Variants in MYO1B observed in about 807,000 individuals in gnomAD.
MYO1B encodes unconventional myosin-Ib.
In MYO1B, 72 loss-of-function variants were observed where a neutral mutation model predicts 159.7. The ratio of observed to expected loss-of-function variants is 0.45; its 90% CI spans 0.37 to 0.55. The LOEUF (loss-of-function observed/expected upper bound fraction) is 0.55, where lower values mean the gene tolerates loss of function less well. Ranked by LOEUF, MYO1B falls within the 20% of genes least tolerant of loss-of-function variation. The probability of loss-of-function intolerance (pLI) is 0.00; values close to 1 mark genes in which losing one functional copy is unlikely to be tolerated. For synonymous variants in MYO1B, 468 were observed against 473.8 expected, an observed-to-expected ratio of 0.99 and a Z score of 0.16; for missense variants, 1,062 against 1,364.8, an observed-to-expected ratio of 0.78 and a Z score of 3.50.
chr2:191,285,839 C>T (rs983390336), intron 2 of MYO1B, among the ~76,000 whole-genome samples: 3 of 152,112 alleles, frequency 2.0e-5, no homozygotes, highest in Non-Finnish European at 2.9e-5. Flanking sequence ...GTTCATGAGC[C>T]GTCCTGGACC....
chr2:191,417,841 T>A (rs1182714972), intron 30 of MYO1B, among the ~76,000 whole-genome samples: 1 of 152,142 alleles, frequency 6.6e-6, no homozygotes, highest in African/African-American at 2.4e-5. Flanking sequence ...GTGGCGTGAA[T>A]CCTAAACATA....
At chr2:191,360,837 G>A in intron 8 of MYO1B, 108 bp downstream of exon 8, 1 of 719,548 alleles carries the variant, frequency 1.4e-6, no homozygotes. Flanking sequence ...TAATTCCTGA[G>A]CTCAAGCGAT....
rs139147759 is a variant in MYO1B, at chr2:191,389,738, T to A, written c.1782-554T>A. Among the ~76,000 whole-genome samples, 900 of 152,360 alleles carry A rather than the reference T, an allele frequency of 5.9e-3. 9 individuals are homozygous for A. The highest frequency in any genetic ancestry group is 0.01 in the Middle Eastern group (3 of 294). ...GATATAGGGAGGAAACAGTGTTTTT[T>A]ATCTTTTTATTGAGGTATAATACAC... is the stretch of plus-strand genomic sequence containing the variant. On this transcript the variant is annotated intron_variant, in intron 17 of 30. Transcript: ENST00000392318.
chr2:191,352,010 G>T (rs1692956608), intron 7 of MYO1B, among the ~76,000 whole-genome samples: 1 of 152,190 alleles, frequency 6.6e-6, no homozygotes, highest in Non-Finnish European at 1.5e-5. Flanking sequence ...GCCTTGAAGA[G>T]AAAGTTTTAA....
chr2:191,368,672 T>G (rs2126032838), intron 11 of MYO1B, among the ~76,000 whole-genome samples: 1 of 152,306 alleles, frequency 6.6e-6, no homozygotes, highest in South Asian at 2.1e-4. Flanking sequence ...TTTTTTTAAA[T>G]ACTCAAGTGA....
rs1025825705 is a variant in MYO1B at position 191,405,951 on chromosome 2, C to T, written c.2557-2164C>T. On this transcript the variant is annotated intron_variant, in intron 24 of 30. Coordinates refer to ENST00000392318, the MANE Select transcript of MYO1B (RefSeq NM_001130158.3). The stretch of plus-strand genomic sequence containing the variant: ...CTTTGAAGCCAGACATTAGCTTTTC[C>T]TCTCTAGCTATGAAAGTCTAGATGG... 5.3e-5 allele frequency among the ~76,000 whole-genome samples: 8 copies of T among 152,340 alleles called. No homozygotes were observed. In the South Asian group the frequency reaches 1.7e-3, roughly 32 times the overall value.
At chr2:191,285,678 T>C (rs1688322410) in intron 2 of MYO1B, among the ~76,000 whole-genome samples, 1 of 152,106 alleles carries the variant, frequency 6.6e-6, no homozygotes, top group Non-Finnish European at 1.5e-5. Flanking sequence ...AATAAGAGGC[T>C]TTGAAGTGGA....
chr2:191,383,996 G>A (rs1308184177), intron 15 of MYO1B, among the ~76,000 whole-genome samples: 1 of 152,200 alleles, frequency 6.6e-6, no homozygotes, highest in Non-Finnish European at 1.5e-5. Context: ...GATCATACAT[G>A]CAGAGGGCAT....
chr2:191,342,154 T>A (rs1286728534), intron 5 of MYO1B, among the ~76,000 whole-genome samples: 1 of 152,226 alleles, frequency 6.6e-6, no homozygotes, highest in African/African-American at 2.4e-5. Flanking sequence ...GTAGATTTTA[T>A]TCTGAGGCCT....
intron 3 of MYO1B, among the ~76,000 whole-genome samples, chr2:191,315,711 C>T (rs756779962): frequency 1.1e-4 from 16 of 152,224 alleles, no homozygotes; most frequent in Non-Finnish European, 2.9e-5. Flanking sequence ...ATGACAACAC[C>T]TCCCAAAACT....
At chr2:191,260,265 T>TTTTTTTTTTTG (rs1686728870) in intron 1 of MYO1B, among the ~76,000 whole-genome samples, 2 of 145,150 alleles carry the variant, frequency 1.4e-5, no homozygotes, top group African/African-American at 2.4e-5. Flanking sequence ...TTTTTTTTTT[T>TTTTTTTTTTTG]TTGAATTAAA....
intron 13 of MYO1B, among the ~76,000 whole-genome samples, chr2:191,374,115 C>T (rs1405503043): frequency 6.6e-6 from 1 of 152,046 alleles, no homozygotes; most frequent in African/African-American, 2.4e-5. Flanking sequence ...CCTATATTTT[C>T]CTGGATTCTC....
intron 2 of MYO1B, among the ~76,000 whole-genome samples, chr2:191,292,558 A>C (rs1223529080): frequency 6.6e-6 from 1 of 152,220 alleles, no homozygotes; most frequent in Non-Finnish European, 1.5e-5. Context: ...TAAAACCTCC[A>C]GATACCCGGC....
intron 5 of MYO1B, among the ~76,000 whole-genome samples, chr2:191,342,126 G>A (rs1028115588): frequency 1.3e-5 from 2 of 152,234 alleles, no homozygotes; most frequent in African/African-American, 4.8e-5. Flanking sequence ...AGAAGTTCAA[G>A]ATCAAGCTGT....
intron 24 of MYO1B, 111 bp from the exon 25 acceptor site, chr2:191,408,004 A>T (rs1204955752): frequency 6.8e-6 from 4 of 587,984 alleles, no homozygotes; most frequent in Non-Finnish European, 1.2e-5. Context: ...TCTAGAAAGG[A>T]CACTTATAAA....
At chr2:191,422,965 A>C (rs1179855310) in intron 30 of MYO1B, among the ~76,000 whole-genome samples, 1 of 152,222 alleles carries the variant, frequency 6.6e-6, no homozygotes, top group Non-Finnish European at 1.5e-5. Flanking sequence ...CTTAGGGCTA[A>C]ATGAGGACTA....
chr2:191,310,121 A>G (rs1055632100), intron 3 of MYO1B, among the ~76,000 whole-genome samples: 2 of 152,368 alleles, frequency 1.3e-5, no homozygotes, highest in African/African-American at 4.8e-5. Context: ...ATGTAACAGT[A>G]TACTTACAAG....
intron 24 of MYO1B, among the ~76,000 whole-genome samples, chr2:191,403,633 C>T (rs1203872144): frequency 6.6e-6 from 1 of 152,138 alleles, no homozygotes. Context: ...AGAAATATCC[C>T]TGAATCCTGC....
intron 7 of MYO1B, among the ~76,000 whole-genome samples, chr2:191,358,992 GT>G (rs1693485085): frequency 1.3e-5 from 2 of 152,310 alleles, no homozygotes; most frequent in Admixed American, 6.5e-5. Context: ...TGTAGCATTT[GT>G]TTATATTTTT....
Sources: gnomAD v4.1 joint callset for allele counts (sites outside exome capture counted in the v4.1 genomes callset) on GRCh38, gnomAD v4.1.1 for gene constraint, MANE v1.5 for transcripts, NCBI Gene and HGNC (gene_info 2026-07-23, HGNC 2026-07-21) for gene names.